The following NDUFAF6 variants were observed in gnomAD, a reference collection of about 807,000 sequenced individuals.
NDUFAF6 encodes the protein NADH dehydrogenase (ubiquinone) complex I, assembly factor 6.
A neutral mutation model predicts 40.8 loss-of-function variants in NDUFAF6; 45 were observed. The observed-to-expected ratio is 1.10, with a 90% CI of 0.87 to 1.42. The LOEUF (loss-of-function observed/expected upper bound fraction) is 1.42. Ranked by LOEUF, NDUFAF6 falls within the 40% of genes most tolerant of loss-of-function variation. The pLI, the probability that NDUFAF6 is intolerant of heterozygous loss-of-function variation, is 0.00. For synonymous variants in NDUFAF6, 185 were observed against 155.9 expected, an observed-to-expected ratio of 1.19 and a Z score of -1.39; for missense variants, 435 against 418.5, an observed-to-expected ratio of 1.04 and a Z score of -0.34.
At chr8:94,950,594 G>T (rs1337312305) in intron 2 of NDUFAF6, among the ~76,000 whole-genome samples, 1 of 152,224 alleles carries the variant, frequency 6.6e-6, no homozygotes, top group Admixed American at 6.5e-5. Flanking sequence ...AAGGAGTAAT[G>T]ATCAAAATAT....
At chr8:94,979,366 C>T (rs952066735) in intron 1 of NDUFAF6, among the ~76,000 whole-genome samples, 2 of 152,150 alleles carry the variant, frequency 1.3e-5, no homozygotes, top group Admixed American at 6.5e-5. Context: ...CTCCTCACTT[C>T]CTTGAGGAAT....
At chr8:95,105,472 A>G (rs1809812742), downstream of NDUFAF6, among the ~76,000 whole-genome samples, 1 of 151,906 alleles carries the variant, frequency 6.6e-6, no homozygotes, top group South Asian at 2.1e-4. Flanking sequence ...AGATCCTCCC[A>G]TCTCAGCATC....
chr8:95,085,988 G>C (rs777502149), intron 2 of NDUFAF6, among the ~76,000 whole-genome samples: 1 of 152,090 alleles, frequency 6.6e-6, no homozygotes, highest in East Asian at 1.9e-4. Context: ...AGTCCCAAAC[G>C]CTAACTTTTG....
downstream of NDUFAF6, among the ~76,000 whole-genome samples, chr8:95,059,539 A>G (rs186619398): frequency 6.6e-6 from 1 of 152,344 alleles, no homozygotes; most frequent in East Asian, 1.9e-4. Flanking sequence ...CATTCAGCTT[A>G]TCTTCAAATG....
At chr8:95,019,712 C>T (rs1404462306) in intron 2 of NDUFAF6, among the ~76,000 whole-genome samples, 2 of 152,156 alleles carry the variant, frequency 1.3e-5, no homozygotes, top group African/African-American at 2.4e-5. Context: ...TCTGAGAGAA[C>T]AGTGTGTAGG....
downstream of NDUFAF6, among the ~76,000 whole-genome samples, chr8:95,063,196 A>G (rs1387744437): frequency 6.6e-6 from 1 of 152,250 alleles, no homozygotes; most frequent in Non-Finnish European, 1.5e-5. Flanking sequence ...ATTATCTACA[A>G]TGTTTCTAAT....
At chr8:95,028,880 A>G (rs374568538) in intron 1 of NDUFAF6, among the ~76,000 whole-genome samples, 3 of 152,212 alleles carry the variant, frequency 2.0e-5, no homozygotes, top group African/African-American at 4.8e-5. Context: ...AAAAATGTCA[A>G]CTATAGAGCT....
intron 1 of NDUFAF6, among the ~76,000 whole-genome samples, chr8:94,943,027 G>A (rs893576771): frequency 6.6e-6 from 1 of 152,246 alleles, no homozygotes; most frequent in Non-Finnish European, 1.5e-5. Context: ...CCTGCAGAAA[G>A]TACAGGTTAG....
At chr8:95,024,253 A>G (rs1166098924), upstream of NDUFAF6, among the ~76,000 whole-genome samples, 1 of 152,164 alleles carries the variant, frequency 6.6e-6, no homozygotes, top group African/African-American at 2.4e-5. Context: ...ACTACTTACT[A>G]TTTATGTGAA....
chr8:95,003,718 C>G (rs1316084927), intron 2 of NDUFAF6, among the ~76,000 whole-genome samples: 1 of 152,180 alleles, frequency 6.6e-6, no homozygotes, highest in Non-Finnish European at 1.5e-5. Flanking sequence ...TGCAAACATT[C>G]TTTTCCCTGG....
intron 8 of NDUFAF6, chr8:95,055,204 G>A (rs1426130445): frequency 6.6e-6 from 1 of 152,100 alleles, no homozygotes; most frequent in Non-Finnish European, 1.5e-5. Flanking sequence ...GGAGAAAATA[G>A]CAATCACCCA....
upstream of NDUFAF6, among the ~76,000 whole-genome samples, chr8:95,099,799 C>A (rs1015784810): frequency 1.3e-5 from 2 of 152,300 alleles, no homozygotes; most frequent in African/African-American, 2.4e-5. Flanking sequence ...TGAAGTTCAG[C>A]TCTTCTCATT....
At chr8:95,091,611 C>T (rs951067433) in intron 2 of NDUFAF6, among the ~76,000 whole-genome samples, 1 of 151,698 alleles carries the variant, frequency 6.6e-6, no homozygotes, top group Non-Finnish European at 1.5e-5. Context: ...TGCATTTATT[C>T]AAGCAGAAGA....
intron 1 of NDUFAF6, among the ~76,000 whole-genome samples, chr8:95,100,816 T>C (rs1809625962): frequency 6.6e-6 from 1 of 152,248 alleles, no homozygotes; most frequent in Admixed American, 6.5e-5. Flanking sequence ...TAGGTGTGCC[T>C]ATTACTTTGT....
chr8:94,970,436 C>T (rs551792856), intron 1 of NDUFAF6, among the ~76,000 whole-genome samples: 6 of 151,724 alleles, frequency 4.0e-5, no homozygotes, highest in African/African-American at 1.5e-4. Flanking sequence ...TAGTTAACAA[C>T]AGAAAATAGC....
At chr8:94,990,677 T>A (rs1826153270) in intron 2 of NDUFAF6, among the ~76,000 whole-genome samples, 1 of 152,214 alleles carries the variant, frequency 6.6e-6, no homozygotes, top group South Asian at 2.1e-4. Context: ...CATTCAAGGC[T>A]GGAAATTTCC....
intron 1 of NDUFAF6, chr8:94,927,634 C>T (rs558388904): frequency 6.6e-6 from 1 of 152,170 alleles, no homozygotes; most frequent in South Asian, 2.1e-4. Context: ...CCTTACAGTG[C>T]AGTACACAAT....
At chr8:94,962,587 C>T (rs550558219) in intron 1 of NDUFAF6, among the ~76,000 whole-genome samples, 80 of 151,654 alleles carry the variant, frequency 5.3e-4, no homozygotes, top group African/African-American at 1.9e-3. Flanking sequence ...ACCACCACAC[C>T]TAGCCCAGAC....
downstream of NDUFAF6, among the ~76,000 whole-genome samples, chr8:95,117,800 A>T (rs1173439569): frequency 6.6e-6 from 1 of 152,208 alleles, no homozygotes; most frequent in Non-Finnish European, 1.5e-5. Context: ...GAGGCCAGAT[A>T]TTAAGATGGT....
Sources: gnomAD v4.1 joint callset for allele counts (sites outside exome capture counted in the v4.1 genomes callset) on GRCh38, gnomAD v4.1.1 for gene constraint, MANE v1.5 for transcripts, NCBI Gene and HGNC (gene_info 2026-07-23, HGNC 2026-07-21) for gene names.